The following NUP205 variants were observed in gnomAD, a reference collection of about 807,000 sequenced individuals.
NUP205 encodes nucleoporin 205.
A neutral mutation model predicts 253.8 loss-of-function variants in NUP205; 76 were observed. The observed-to-expected ratio is 0.30, with a 90% confidence interval of 0.25 to 0.36. The LOEUF (loss-of-function observed/expected upper bound fraction) is 0.36, where lower values mean the gene tolerates loss of function less well. NUP205 is among the 10% of genes least tolerant of loss of function. The probability of loss-of-function intolerance (pLI) is 1.00; values close to 1 mark genes in which losing one functional copy is unlikely to be tolerated. For synonymous variants in NUP205, 832 were observed against 850.1 expected (o/e 0.98, Z 0.37); for missense variants, 2,162 against 2,425.5 (o/e 0.89, Z 2.28).
intron 10 of NUP205, 91 bp from the exon 11 acceptor site, chr7:135,591,359 T>C: frequency 9.3e-7 from 1 of 1,078,814 alleles, no homozygotes; most frequent in Non-Finnish European, 1.4e-6. Flanking sequence ...GAGCACTACT[T>C]TTAGTTTATA....
At chr7:135,612,678 C>T (rs1019353490) in intron 22 of NUP205, among the ~76,000 whole-genome samples, 11 of 152,180 alleles carry the variant, frequency 7.2e-5, no homozygotes, top group South Asian at 4.2e-4. Context: ...TGTTCTCCCG[C>T]GCATGAAGGA....
At chr7:135,578,401 G>T (rs1806212823) in intron 6 of NUP205, among the ~76,000 whole-genome samples, 1 of 152,122 alleles carries the variant, frequency 6.6e-6, no homozygotes, top group African/African-American at 2.4e-5. Context: ...TGTGTTTTCT[G>T]TGAAGTAAAT....
intron 7 of NUP205, among the ~76,000 whole-genome samples, chr7:135,582,961 G>A (rs781676065): frequency 4.6e-5 from 7 of 151,990 alleles, no homozygotes; most frequent in East Asian, 1.9e-4. Context: ...GTGGTGGTGC[G>A]TGCCTATAGT....
Position 135,645,480 on chromosome 7 carries a change from C to A in NUP205, c.5696C>A (p.Thr1899Asn), listed in dbSNP as rs768064840. 8 of 1,613,848 alleles carry A rather than the reference C, an allele frequency of 5.0e-6. No individual in the cohort carries two copies. In the Admixed American group the frequency reaches 1.2e-4, roughly 24 times the overall value. ...LLSLCSFIIETCLFILWRHLE... is the reference protein window; with the variant it reads ...LLSLCSFIIENCLFILWRHLE... Reference sequence around the variant, plus strand: ...AGCTCTGGTATAGTTATCATAGAGACCTGCCTATTTATTCTTTGGCGCCAT... The same window carrying A: ...AGCTCTGGTATAGTTATCATAGAGAACTGCCTATTTATTCTTTGGCGCCAT... The change falls in exon 41 of 43, where the codon ACC (threonine) becomes AAC (asparagine). Residue 1899 changes from threonine (T) to asparagine (N), a missense_variant. Around this residue, in one of 5 missense-constraint regions of NUP205, gnomAD observed 1,144 missense variants for 1,280.9 expected, o/e 0.89. Transcript: ENST00000285968.
intron 1 of NUP205, among the ~76,000 whole-genome samples, chr7:135,561,953 C>T (rs1805594431): frequency 6.6e-6 from 1 of 151,480 alleles, no homozygotes; most frequent in African/African-American, 2.4e-5. Context: ...CCCTCCCTCA[C>T]TCTGCCCAGG....
At chr7:135,640,519 C>CG (rs1794899170) in intron 38 of NUP205, among the ~76,000 whole-genome samples, 1 of 152,160 alleles carries the variant, frequency 6.6e-6, no homozygotes, top group African/African-American at 2.4e-5. Flanking sequence ...CCTTCCACTC[C>CG]GGCCCAGGCA....
chr7:135,632,243 C>T (rs766160432), intron 35 of NUP205, among the ~76,000 whole-genome samples: 6 of 152,082 alleles, frequency 3.9e-5, no homozygotes, highest in Non-Finnish European at 7.4e-5. Context: ...ATGTATGTGC[C>T]AGGTACTGTT....
At chr7:135,634,675 G>A (rs776688734) in intron 35 of NUP205, among the ~76,000 whole-genome samples, 1 of 152,094 alleles carries the variant, frequency 6.6e-6, no homozygotes, top group East Asian at 1.9e-4. Context: ...AAGAGAAAGC[G>A]ATCCTGGGAG....
At chr7:135,588,134 TTTTA>T (rs942321544) in intron 10 of NUP205, 142 bp downstream of exon 10, 87 of 580,998 alleles carry the variant, frequency 1.5e-4, no homozygotes, top group Non-Finnish European at 1.6e-4. Flanking sequence ...ACTTTTTAAA[TTTTA>T]TTTATTTATT....
chr7:135,586,336 C>A (rs958760670), intron 8 of NUP205, among the ~76,000 whole-genome samples: 5 of 151,932 alleles, frequency 3.3e-5, no homozygotes, highest in African/African-American at 4.8e-5. Flanking sequence ...CTTAGTTAAC[C>A]TTGCTTGAAG....
chr7:135,630,500 A>G (rs1357396166), intron 35 of NUP205, 30 bp downstream of exon 35: 2 of 1,564,322 alleles, frequency 1.3e-6, no homozygotes, highest in South Asian at 1.2e-5. Context: ...AGGATTTTTA[A>G]TAATTCTTTA....
At chr7:135,636,979 C>T (rs771468712) in intron 36 of NUP205, among the ~76,000 whole-genome samples, 1 of 152,100 alleles carries the variant, frequency 6.6e-6, no homozygotes, top group Non-Finnish European at 1.5e-5. Flanking sequence ...GCACTTTAGC[C>T]TGGGCAACAG....
At chr7:135,638,130 C>A in intron 37 of NUP205, 71 bp downstream of exon 37, 1 of 1,519,376 alleles carries the variant, frequency 6.6e-7, no homozygotes. Flanking sequence ...CAGATGTGGA[C>A]CTGGTGCGGT....
Position 135,622,881 on chromosome 7 carries a change from G to C in NUP205, c.4435G>C (p.Glu1479Gln). 1.9e-6 allele frequency: 3 copies of C among 1,614,170 alleles called. No homozygotes were observed. The highest frequency in any genetic ancestry group is 2.5e-6 in the Non-Finnish European group (3 of 1,180,026). Residue 1479 changes from glutamate to glutamine, a missense_variant, in exon 31 of 43, where the codon GAA becomes CAA. Glu to Gln is a conservative substitution (Grantham distance 29, BLOSUM62 2). Coordinates refer to ENST00000285968, the MANE Select transcript of NUP205 (RefSeq NM_015135.3). The stretch of plus-strand genomic sequence containing the variant: ...TGAAAGTTATGGCGCCGCCCTCATG[G>C]AAGTGGTCTGTCGAGATGCTTGTGA... ...IIESYGAALM[E>Q]VVCRDACDGH...
Position 135,606,129 on chromosome 7 carries a change from C to T in NUP205, c.2824-16C>T. ...CCTGTAATAATTTGTCATTTTTTAC[C>T]TTCATGTTACTTCAGAGTATAAGTC... On this transcript the variant is annotated splice_polypyrimidine_tract_variant and intron_variant, in intron 19 of 42. Transcript: ENST00000285968. 2 of 1,554,446 alleles carry T rather than the reference C, an allele frequency of 1.3e-6. No homozygotes were observed. The highest frequency in any genetic ancestry group is 1.8e-6 in the Non-Finnish European group (2 of 1,129,390).
At chr7:135,634,745 G>A (rs1584689536) in intron 35 of NUP205, among the ~76,000 whole-genome samples, 1 of 152,078 alleles carries the variant, frequency 6.6e-6, no homozygotes, top group East Asian at 1.9e-4. Flanking sequence ...GGTGAGGCAC[G>A]GATAGAGGTA....
intron 1 of NUP205, among the ~76,000 whole-genome samples, chr7:135,567,128 GTATATATATATATATATATATATATA>G (rs1163648935): frequency 6.9e-4 from 5 of 7,228 alleles, no homozygotes; most frequent in African/African-American, 2.5e-3. Flanking sequence ...GTCTATGTGT[GTATATATATATATATATATATATATA>G]TATATATATA....
At chr7:135,639,249 G>T (rs1584692317) in intron 38 of NUP205, among the ~76,000 whole-genome samples, 1 of 152,046 alleles carries the variant, frequency 6.6e-6, no homozygotes. Context: ...TTGACTGTTG[G>T]TGATTTCAGG....
intron 14 of NUP205, 92 bp from the exon 15 acceptor site, chr7:135,597,906 T>C: frequency 2.1e-6 from 2 of 941,812 alleles, no homozygotes; most frequent in Non-Finnish European, 3.3e-6. Flanking sequence ...TGGTGTGAGT[T>C]AGCACTATTA....
Sources: gnomAD v4.1 joint callset for allele counts (sites outside exome capture counted in the v4.1 genomes callset) on GRCh38, gnomAD v4.1.1 for gene constraint, gnomAD v4.1.1 regional missense constraint, MANE v1.5 for transcripts, NCBI Gene and HGNC (gene_info 2026-07-23, HGNC 2026-07-21) for gene names.